Variants in NUP133 observed in about 807,000 individuals in gnomAD.
NUP133 encodes nucleoporin 133.
Under a neutral mutation model 146.2 loss-of-function variants are expected in NUP133, and 66 were observed. That is an observed-to-expected ratio of 0.45 (90% CI 0.37 to 0.55). The LOEUF (loss-of-function observed/expected upper bound fraction) is 0.55. Ranked by LOEUF, NUP133 falls within the 20% of genes least tolerant of loss-of-function variation. The pLI is 0.00. For synonymous variants in NUP133, 521 were observed against 498.8 expected (o/e 1.04, Z -0.59); for missense variants, 1,277 against 1,374.8 (o/e 0.93, Z 1.12).
chr1:229,449,851 TTATATA>T (rs1444482309), intron 23 of NUP133, among the ~76,000 whole-genome samples: 8 of 67,624 alleles, frequency 1.2e-4, no homozygotes, highest in African/African-American at 4.8e-4. Context: ...TATGAAGATT[TTATATA>T]TATATATATA....
chr1:229,487,526 A>C lies in NUP133; in HGVS notation c.1282T>G (p.Cys428Gly). The C allele has an allele frequency of 1.2e-6, 2 of 1,613,734 alleles. No individual in the cohort carries two copies. Among genetic ancestry groups the C allele is most frequent in the South Asian group, 2.2e-5 (2 of 90,972 alleles). Residue 428 changes from cysteine (C) to glycine (G), a missense_variant, in exon 10 of 26, where the codon TGC becomes GGC. Physicochemically the swap from Cys to Gly is radical, Grantham distance 159. This residue lies in a region of NUP133 where 952 missense variants were observed against 1,047.0 expected (regional missense o/e 0.91). Transcript: ENST00000261396. Reference protein sequence around the residue: ...YLYNESAVYVCSTGTGKFSLP... With the variant: ...YLYNESAVYVGSTGTGKFSLP... ...GAAAATTTCCCAGTTCCTGTGGAGC[A>C]CACATAGACAGCACTTTCGTTATAC...
Position 229,506,045 on chromosome 1 carries a change from G to C in NUP133, c.296C>G (p.Ala99Gly). The change falls in exon 2 of 26, where the codon GCT becomes GGT. Residue 99 changes from alanine (A) to glycine (G), a missense_variant. By Grantham distance (60) the Ala-to-Gly change is moderately conservative. Coordinates refer to ENST00000261396, the MANE Select transcript of NUP133 (RefSeq NM_018230.3). Reference sequence around the variant, plus strand: ...AATGGAAAGATGACACCTACCTTCAGCCAATGTTAGGGCTTCCATGACTTT... The same window carrying C: ...AATGGAAAGATGACACCTACCTTCACCCAATGTTAGGGCTTCCATGACTTT... ...PVKVMEALTLAEVDDQLTINI... is the reference protein window; with the variant it reads ...PVKVMEALTLGEVDDQLTINI... 6.3e-7 allele frequency: 1 copy of C among 1,580,338 alleles called. No individual in the cohort carries two copies. Among genetic ancestry groups the C allele is most frequent in the Non-Finnish European group, 8.7e-7 (1 of 1,149,638 alleles).
At chr1:229,500,221 A>G (rs1379038382) in intron 4 of NUP133, among the ~76,000 whole-genome samples, 2 of 151,932 alleles carry the variant, frequency 1.3e-5, no homozygotes, top group East Asian at 1.9e-4. Context: ...TTTTTATTTT[A>G]TTTTAATTTT....
At chr1:229,460,926 T>C (rs1169574173) in intron 19 of NUP133, among the ~76,000 whole-genome samples, 157 bp from the exon 20 acceptor site, 1 of 152,200 alleles carries the variant, frequency 6.6e-6, no homozygotes, top group East Asian at 1.9e-4. Flanking sequence ...ATCATCTCAT[T>C]TGACAGATGT....
At chr1:229,475,233 T>C (rs1661048313) in intron 14 of NUP133, among the ~76,000 whole-genome samples, 2 of 152,186 alleles carry the variant, frequency 1.3e-5, no homozygotes, top group African/African-American at 4.8e-5. Context: ...TATGTAACAA[T>C]TCTGTCCAGT....
At chr1:229,491,700 C>T (rs963348035) in intron 8 of NUP133, among the ~76,000 whole-genome samples, 2 of 152,194 alleles carry the variant, frequency 1.3e-5, no homozygotes, top group Admixed American at 6.5e-5. Context: ...ATCACTTGAA[C>T]CTGCGATGCA....
chr1:229,466,347 C>A (rs1660827539), intron 16 of NUP133, among the ~76,000 whole-genome samples: 1 of 151,854 alleles, frequency 6.6e-6, no homozygotes, highest in South Asian at 2.1e-4. Flanking sequence ...AAAAAACCAA[C>A]TAAAAAATTG....
chr1:229,463,937 G>A (rs565412847), intron 18 of NUP133, among the ~76,000 whole-genome samples: 147 of 152,182 alleles, frequency 9.7e-4, no homozygotes, highest in Non-Finnish European at 1.8e-3. Context: ...CCTGAGGTCA[G>A]GAGTTCGAGT....
At chr1:229,499,284 A>C (rs1661738695) in intron 5 of NUP133, 6 of 467,794 alleles carry the variant, frequency 1.3e-5, no homozygotes, top group Non-Finnish European at 2.2e-5. Flanking sequence ...CAATCTTATA[A>C]AATGTTTCTA....
Position 229,498,351 on chromosome 1 carries a change from C to T in NUP133, c.649-45G>A, listed in dbSNP as rs1214915776. Reference sequence around the variant, plus strand: ...GGTTAGTTCAGTTTAGCATCGAATGCTAAGATAAAATGAAAAATTCTTTGA... The same window carrying T: ...GGTTAGTTCAGTTTAGCATCGAATGTTAAGATAAAATGAAAAATTCTTTGA... On this transcript the variant is annotated intron_variant, in intron 5 of 25. Transcript: ENST00000261396. The T allele has an allele frequency of 5.1e-6, 7 of 1,365,868 alleles. No individual in the cohort carries two copies. In the African/African-American group the frequency reaches 7.5e-5, roughly 15 times the overall value. 84.6% of individuals were successfully genotyped at this position (1,365,868 alleles called of 1,614,324 possible).
chr1:229,458,743 C>CT (rs1660624882), intron 20 of NUP133, among the ~76,000 whole-genome samples: 1 of 140,864 alleles, frequency 7.1e-6, no homozygotes, highest in Non-Finnish European at 1.5e-5. Flanking sequence ...GAGAGCCTCA[C>CT]TTTGTCACCC....
At chr1:229,475,965 G>C (rs1319765109) in intron 13 of NUP133, among the ~76,000 whole-genome samples, 4 of 152,062 alleles carry the variant, frequency 2.6e-5, no homozygotes, top group Admixed American at 2.0e-4. Context: ...AAAATTAGCT[G>C]AGCGTGGTGG....
chr1:229,468,002 T>A (rs1374030292), intron 15 of NUP133, among the ~76,000 whole-genome samples: 1 of 152,118 alleles, frequency 6.6e-6, no homozygotes, highest in South Asian at 2.1e-4. Flanking sequence ...CCAAAACACT[T>A]GTTAAATTCT....
chr1:229,486,178 C>G (rs908361768), intron 11 of NUP133, among the ~76,000 whole-genome samples, 193 bp downstream of exon 11: 2 of 151,092 alleles, frequency 1.3e-5, no homozygotes, highest in African/African-American at 2.4e-5. Flanking sequence ...AAAACCAAAC[C>G]AAACCAAAAA....
In NUP133 at chr1:229,458,234, G is replaced by C. The variant is rs758878351; in HGVS notation, c.2907C>G (p.Thr969=). ...CAGCCAATTTACTCAAGCCAAGAAGGGTTTTCTTCTTTGCAAAGTAACGAG... is the reference window on the plus strand; with the variant it reads ...CAGCCAATTTACTCAAGCCAAGAAGCGTTTTCTTCTTTGCAAAGTAACGAG... ...METRYFAKKK[T]LLGLSKLAAL... Residue 969 remains threonine (T), a synonymous_variant, in exon 21 of 26, where the codon ACC becomes ACG. Coordinates refer to ENST00000261396, the MANE Select transcript of NUP133 (RefSeq NM_018230.3). 6.2e-7 allele frequency: 1 copy of C among 1,613,082 alleles called. No homozygotes were observed. The highest frequency in any genetic ancestry group is 1.3e-5 in the African/African-American group (1 of 74,966).
chr1:229,506,836 A>AAC (rs1558111928), intron 1 of NUP133, among the ~76,000 whole-genome samples: 1 of 151,444 alleles, frequency 6.6e-6, no homozygotes. Flanking sequence ...AAAAAAAAAA[A>AAC]AAAACTATCA....
chr1:229,463,396 C>A (rs1251013891), intron 19 of NUP133, 147 bp downstream of exon 19: 1 of 905,842 alleles, frequency 1.1e-6, no homozygotes, highest in Non-Finnish European at 1.6e-6. Context: ...AGAAACGCGA[C>A]ATACAAATTA....
chr1:229,495,376 G>A (rs1661630693), intron 8 of NUP133, 119 bp downstream of exon 8: 4 of 702,246 alleles, frequency 5.7e-6, no homozygotes, highest in South Asian at 3.5e-5. Context: ...GGGTGATAGA[G>A]TGAGACCCTG....
Position 229,500,786 on chromosome 1 carries a change from A to G in NUP133, c.483T>C (p.Ser161=). 1 of 1,612,874 alleles carries G rather than the reference A, an allele frequency of 6.2e-7. No individual in the cohort carries two copies. The highest frequency in any genetic ancestry group is 8.5e-7 in the Non-Finnish European group (1 of 1,179,200). ...TAGAATGTGCTTCACCTGAGGGAGA[A>G]GAGTAAGAAAGAGCCACTAAGTCGG... The part of the protein sequence containing the change: ...WSADLVALSY[S]SPSGEAHSTQ... The change falls in exon 4 of 26, where the codon TCT becomes TCC. Residue 161 remains serine, a synonymous_variant. Transcript: ENST00000261396.
Sources: allele counts gnomAD v4.1 joint callset (sites outside exome capture counted in the v4.1 genomes callset), GRCh38; gene constraint gnomAD v4.1.1; regional missense constraint gnomAD v4.1.1; transcripts MANE v1.5; gene names NCBI Gene and HGNC (gene_info 2026-07-23, HGNC 2026-07-21).